CNNM2: variants seen among roughly 807,000 people sequenced by gnomAD.
CNNM2 encodes cyclin and CBS domain divalent metal cation transport mediator 2.
Under a neutral mutation model 66.9 loss-of-function variants are expected in CNNM2, and 12 were observed. The observed-to-expected ratio is 0.18, with a 90% confidence interval of 0.11 to 0.29. The LOEUF (loss-of-function observed/expected upper bound fraction) is 0.29. CNNM2 is among the 10% of genes least tolerant of loss of function. The pLI, the probability that CNNM2 is intolerant of heterozygous loss-of-function variation, is 1.00. For synonymous variants in CNNM2, 557 were observed against 501.8 expected (o/e 1.11, Z -1.47); for missense variants, 705 against 1,167.7 (o/e 0.60, Z 5.77).
intron 1 of CNNM2, among the ~76,000 whole-genome samples, chr10:103,005,466 T>A (rs1437694775): frequency 6.6e-6 from 1 of 151,714 alleles, no homozygotes; most frequent in Non-Finnish European, 1.5e-5. Context: ...CTGGCCAACA[T>A]GGTGAAACCC....
intron 1 of CNNM2, among the ~76,000 whole-genome samples, chr10:102,930,729 A>G (rs1846035266): frequency 2.0e-5 from 3 of 152,100 alleles, no homozygotes; most frequent in Admixed American, 6.6e-5. Context: ...CCCCCTAGTC[A>G]CTGGCAACTA....
chr10:102,926,751 T>C (rs997291530), intron 1 of CNNM2, among the ~76,000 whole-genome samples: 1 of 136,536 alleles, frequency 7.3e-6, no homozygotes, highest in African/African-American at 2.8e-5. Flanking sequence ...AGTCTCGCAC[T>C]GTTGCCCAGG....
At chr10:103,055,269 G>C (rs924296224) in intron 3 of CNNM2, among the ~76,000 whole-genome samples, 32 of 152,184 alleles carry the variant, frequency 2.1e-4, no homozygotes, top group Non-Finnish European at 1.0e-4. Flanking sequence ...GTCCCTGATA[G>C]GCAGCCAGTG....
chr10:103,005,352 T>C (rs914504004), intron 1 of CNNM2, among the ~76,000 whole-genome samples: 12 of 152,246 alleles, frequency 7.9e-5, no homozygotes, highest in Non-Finnish European at 1.3e-4. Flanking sequence ...GCTGCTGGTA[T>C]ATAGAAGTAC....
At chr10:102,921,121 T>C in intron 1 of CNNM2, 2 of 770,630 alleles carry the variant, frequency 2.6e-6, no homozygotes, top group Non-Finnish European at 3.2e-6. Flanking sequence ...AACAGGTAAA[T>C]AGCAACTTGT....
chr10:103,053,329 A>G (rs1208792965), intron 2 of CNNM2, among the ~76,000 whole-genome samples: 1 of 152,152 alleles, frequency 6.6e-6, no homozygotes, highest in African/African-American at 2.4e-5. Context: ...AGCCTGGGTA[A>G]CATAGTGAGA....
intron 1 of CNNM2, chr10:102,921,191 A>T (rs1431745862): frequency 3.2e-6 from 1 of 311,624 alleles, no homozygotes; most frequent in Non-Finnish European, 4.7e-6. Context: ...AAACCAAGGG[A>T]TGCTGAGTTT....
At chr10:103,009,269 C>A (rs1348836355) in intron 1 of CNNM2, among the ~76,000 whole-genome samples, 1 of 151,680 alleles carries the variant, frequency 6.6e-6, no homozygotes, top group African/African-American at 2.4e-5. Context: ...GATTGAAACT[C>A]CGTCTCAAAA....
chr10:103,066,505 G>T (rs1257530338), intron 4 of CNNM2, among the ~76,000 whole-genome samples: 2 of 152,084 alleles, frequency 1.3e-5, no homozygotes, highest in Admixed American at 6.6e-5. Flanking sequence ...ACCCAACCCT[G>T]CCAGCCCATT....
chr10:103,073,755 G>A (rs1026310173), intron 6 of CNNM2, among the ~76,000 whole-genome samples: 2 of 151,720 alleles, frequency 1.3e-5, no homozygotes, highest in Non-Finnish European at 2.9e-5. Flanking sequence ...CCAGCTACTC[G>A]GGAGGCTGAG....
At chr10:103,016,717 A>G (rs937406071) in intron 1 of CNNM2, among the ~76,000 whole-genome samples, 3 of 152,200 alleles carry the variant, frequency 2.0e-5, no homozygotes, top group African/African-American at 7.2e-5. Context: ...GTAATCATTC[A>G]GTGCCTACTT....
intron 1 of CNNM2, among the ~76,000 whole-genome samples, chr10:102,980,032 A>C (rs545677527): frequency 2.6e-5 from 4 of 151,324 alleles, no homozygotes; most frequent in Non-Finnish European, 4.4e-5. Context: ...TCCTGCCTCA[A>C]CCTCCCAAGT....
intron 4 of CNNM2, among the ~76,000 whole-genome samples, chr10:103,065,356 C>T (rs2065458733): frequency 6.6e-6 from 1 of 152,146 alleles, no homozygotes; most frequent in South Asian, 2.1e-4. Context: ...GCCCGAGGGC[C>T]GGAGCCAGAG....
At chr10:102,923,644 C>T (rs958037342) in intron 1 of CNNM2, among the ~76,000 whole-genome samples, 2 of 152,032 alleles carry the variant, frequency 1.3e-5, no homozygotes, top group Non-Finnish European at 2.9e-5. Context: ...GCTTTAAACC[C>T]AGTGCTTCTG....
In CNNM2 at chr10:103,076,199, A is replaced by G; in HGVS notation, c.2347A>G (p.Asn783Asp). ...PTLGSSNNQL[N>D]SSLLQVYIPD... ...ACTGGGGAGCAGCAATAACCAGCTC[A>G]ATTCTTCGCTCCTCCAAGTCTACAT... is the stretch of plus-strand genomic sequence containing the variant. Residue 783 changes from asparagine (N) to aspartate (D), a missense_variant, in exon 7 of 8, where the codon AAT (asparagine) becomes GAT (aspartate). Coordinates refer to ENST00000369878, the MANE Select transcript of CNNM2 (RefSeq NM_017649.5). 6.3e-7 allele frequency: 1 copy of G among 1,593,616 alleles called. No individual in the cohort carries two copies. The highest frequency in any genetic ancestry group is 8.5e-7 in the Non-Finnish European group (1 of 1,169,964).
At chr10:103,007,717 T>C (rs1339123488) in intron 1 of CNNM2, among the ~76,000 whole-genome samples, 3 of 152,178 alleles carry the variant, frequency 2.0e-5, no homozygotes, top group Non-Finnish European at 2.9e-5. Flanking sequence ...ATCACTGTTA[T>C]TCTGTTCTTT....
At chr10:103,073,557 C>CT (rs1233665313) in intron 6 of CNNM2, among the ~76,000 whole-genome samples, 1 of 152,116 alleles carries the variant, frequency 6.6e-6, no homozygotes, top group African/African-American at 2.4e-5. Context: ...CGGGAGGAAG[C>CT]TGACAAGAAA....
At chr10:103,068,580 A>G (rs1452960158) in intron 4 of CNNM2, 49 bp from the exon 5 acceptor site, 2 of 1,439,498 alleles carry the variant, frequency 1.4e-6, no homozygotes, top group African/African-American at 1.4e-5. Context: ...AGAGTGTGCC[A>G]GTAGGCTTTT....
At chr10:103,000,981 C>T (rs2064108880) in intron 1 of CNNM2, among the ~76,000 whole-genome samples, 1 of 152,102 alleles carries the variant, frequency 6.6e-6, no homozygotes, top group South Asian at 2.1e-4. Flanking sequence ...TGGTATTTAC[C>T]AACAATGGAA....
Sources: allele counts gnomAD v4.1 joint callset (sites outside exome capture counted in the v4.1 genomes callset), GRCh38; gene constraint gnomAD v4.1.1; transcripts MANE v1.5; gene names NCBI Gene and HGNC (gene_info 2026-07-23, HGNC 2026-07-21).